DNMT3B: variants seen among roughly 807,000 people sequenced by gnomAD.
The protein encoded by DNMT3B is DNA methyltransferase 3 beta.
In DNMT3B, 37 loss-of-function variants were observed where a neutral mutation model predicts 120.2. That is an observed-to-expected ratio of 0.31 (90% CI 0.24 to 0.40). The LOEUF is 0.40. Ranked by LOEUF, DNMT3B falls within the 10% of genes least tolerant of loss-of-function variation. The probability of loss-of-function intolerance (pLI) is 1.00; values close to 1 mark genes in which losing one functional copy is unlikely to be tolerated. For synonymous variants in DNMT3B, 412 were observed against 442.8 expected, an observed-to-expected ratio of 0.93 and a Z score of 0.87; for missense variants, 878 against 1,137.3, an observed-to-expected ratio of 0.77 and a Z score of 3.28.
chr20:32,799,440 G>T, intron 16 of DNMT3B, 112 bp downstream of exon 16: 2 of 1,230,622 alleles, frequency 1.6e-6, no homozygotes, highest in South Asian at 1.3e-5. Context: ...GGTCCCTGGG[G>T]ATTACCAGCC....
At position 32,762,514 on chromosome 20, in the gene DNMT3B, C is replaced by T; in HGVS notation, c.-192C>T. The T allele has an allele frequency of 6.7e-6, 2 of 297,504 alleles. No homozygotes were observed. Among genetic ancestry groups the T allele is most frequent in the Non-Finnish European group, 1.4e-5 (2 of 143,730 alleles). The allele number at this position is 297,504 out of a possible 1,614,324, so 18.4% of individuals were successfully genotyped here. A position where few individuals can be genotyped will look rare whatever the true frequency, so the allele number is the denominator to read the frequency against. ...CGGGACCGGCTCCCTGGCGGTCGGG[C>T]GAGCGGGCGGCAACGCTGCCCGGCC... is the stretch of plus-strand genomic sequence containing the variant. On this transcript the variant is annotated 5_prime_UTR_variant, in exon 1 of 23. Coordinates refer to ENST00000328111, the MANE Select transcript of DNMT3B (RefSeq NM_006892.4).
intron 1 of DNMT3B, among the ~76,000 whole-genome samples, chr20:32,771,799 TA>T (rs1296532039): frequency 6.6e-6 from 1 of 152,172 alleles, no homozygotes; most frequent in Non-Finnish European, 1.5e-5. Context: ...CCCTATCTCA[TA>T]CCATATACAA....
chr20:32,766,228 G>A (rs1337122110), intron 1 of DNMT3B, among the ~76,000 whole-genome samples: 1 of 152,098 alleles, frequency 6.6e-6, no homozygotes, highest in Non-Finnish European at 1.5e-5. Context: ...CCTGTAATCC[G>A]TGCTACTGGG....
intron 1 of DNMT3B, among the ~76,000 whole-genome samples, chr20:32,763,268 GAGTGTGGGCTT>G (rs1410564619): frequency 2.0e-5 from 3 of 152,240 alleles, no homozygotes; most frequent in Admixed American, 6.5e-5. Flanking sequence ...AAGAGCTCGT[GAGTGTGGGCTT>G]AGACTCGCGC....
Position 32,800,199 on chromosome 20 carries a change from C to A in DNMT3B, c.1806C>A (p.Val602=), listed in dbSNP as rs370219791. 15 of 1,614,204 alleles carry A rather than the reference C, an allele frequency of 9.3e-6. No homozygotes were observed. The highest frequency in any genetic ancestry group is 1.3e-5 in the Non-Finnish European group (15 of 1,180,048). The change falls in exon 17 of 23, where the codon GTC becomes GTA. Residue 602 remains valine, a synonymous_variant. Transcript: ENST00000328111. ...KELGIKVGKY[V]ASEVCEESIA... ...TGGGCATAAAGGTAGGAAAGTACGTCGCTTCTGAAGTGTGTGAGGAGTCCA... is the reference window on the plus strand; with the variant it reads ...TGGGCATAAAGGTAGGAAAGTACGTAGCTTCTGAAGTGTGTGAGGAGTCCA...
chr20:32,797,297 C>T lies in DNMT3B; in HGVS notation c.1488C>T (p.Cys496=). The part of the protein sequence containing the change: ...ELLLCSNTSC[C]RCFCVECLEV... ...TGCTTTGCAGCAACACGAGCTGCTG[C>T]CGGTGAGCACTGGGCCCTGTGGGGT... Residue 496 remains cysteine (C), a splice_region_variant and synonymous_variant, in exon 14 of 23, where the codon TGC becomes TGT. Transcript: ENST00000328111. 1 of 1,614,048 alleles carries T rather than the reference C, an allele frequency of 6.2e-7. No homozygotes were observed. Among genetic ancestry groups the T allele is most frequent in the Non-Finnish European group, 8.5e-7 (1 of 1,180,012 alleles).
chr20:32,764,943 CATT>C (rs899766553), intron 1 of DNMT3B, among the ~76,000 whole-genome samples: 12 of 152,200 alleles, frequency 7.9e-5, no homozygotes, highest in African/African-American at 2.9e-4. Context: ...TGTCGCCCCT[CATT>C]ATTGCAGCCC....
intron 16 of DNMT3B, 114 bp from the exon 17 acceptor site, chr20:32,800,039 C>A: frequency 6.8e-7 from 1 of 1,462,830 alleles, no homozygotes; most frequent in Non-Finnish European, 9.5e-7. Flanking sequence ...CTGGATTGAA[C>A]GCATGTGATA....
At position 32,795,437 on chromosome 20, in the gene DNMT3B, C is replaced by T. The variant is rs556733675; in HGVS notation, c.1155C>T (p.Asp385=). The T allele has an allele frequency of 3.2e-5, 52 of 1,613,992 alleles. No individual in the cohort carries two copies. The highest frequency in any genetic ancestry group is 1.3e-4 in the East Asian group (6 of 44,894). ...ACAAGACTCGAAGACGCACAGCTGA[C>T]GACTCAGCCACCTCTGACTACTGCC... ...YENKTRRRTA[D]DSATSDYCPA... The change falls in exon 11 of 23, where the codon GAC becomes GAT. Residue 385 remains aspartate (D), a synonymous_variant. Coordinates refer to ENST00000328111, the MANE Select transcript of DNMT3B (RefSeq NM_006892.4).
chr20:32,792,830 A>G (rs1297782407), intron 9 of DNMT3B, 60 bp downstream of exon 9: 1 of 1,608,822 alleles, frequency 6.2e-7, no homozygotes, highest in Non-Finnish European at 8.5e-7. Context: ...ACTTCTTGGG[A>G]GAGTCAGCCA....
In DNMT3B at chr20:32,787,332, G is replaced by A. The variant is rs768144743; in HGVS notation, c.535G>A (p.Gly179Arg). The change falls in exon 6 of 23, where the codon GGG becomes AGG. Residue 179 changes from glycine to arginine, a missense_variant. By Grantham distance (125) the Gly-to-Arg change is moderately radical. Coordinates refer to ENST00000328111, the MANE Select transcript of DNMT3B (RefSeq NM_006892.4). ...DLTDDTEDTH[G>R]TPQSSSTPYA... ...CACAGACGACACAGAGGACACACAT[G>A]GGACGCCCCAGAGCAGCAGTACCCC... 6.2e-7 allele frequency: 1 copy of A among 1,614,204 alleles called. No individual in the cohort carries two copies. The highest frequency in any genetic ancestry group is 8.5e-7 in the Non-Finnish European group (1 of 1,180,046).
At chr20:32,802,843 A>G (rs1470379810) in intron 20 of DNMT3B, among the ~76,000 whole-genome samples, 1 of 152,202 alleles carries the variant, frequency 6.6e-6, no homozygotes, top group Non-Finnish European at 1.5e-5. Flanking sequence ...CTACAAAAAA[A>G]TAAAGAAAAA....
At position 32,762,602 on chromosome 20, in the gene DNMT3B, GAGCCCAGCGCCCTGCACGGCCGCC is replaced by G. The variant is rs1568811982; in HGVS notation, c.-99_-76del. 1 of 325,350 alleles carries G rather than the reference GAGCCCAGCGCCCTGCACGGCCGCC, an allele frequency of 3.1e-6. No homozygotes were observed. The highest frequency in any genetic ancestry group is 6.4e-6 in the Non-Finnish European group (1 of 156,996). The allele number at this position is 325,350 out of a possible 1,614,324, so 20.2% of individuals were successfully genotyped here. A position where few individuals can be genotyped will look rare whatever the true frequency, so the allele number is the denominator to read the frequency against. On this transcript the variant is annotated 5_prime_UTR_variant, in exon 1 of 23. Coordinates refer to ENST00000328111, the MANE Select transcript of DNMT3B (RefSeq NM_006892.4). ...TCGGCGATCGGCGCCGGAGATTCGC[GAGCCCAGCGCCCTGCACGGCCGCC>G]AGCCGGCCTCCCGCCAGCCAGCCCC...
chr20:32,796,663 G>A (rs1384296962), intron 12 of DNMT3B, 127 bp from the exon 13 acceptor site: 1 of 959,696 alleles, frequency 1.0e-6, no homozygotes, highest in African/African-American at 1.6e-5. Flanking sequence ...GGCATGGCCT[G>A]AGGTGCAAAG....
chr20:32,788,348 G>A (rs1979577586), intron 6 of DNMT3B, among the ~76,000 whole-genome samples: 1 of 152,128 alleles, frequency 6.6e-6, no homozygotes, highest in African/African-American at 2.4e-5. Context: ...CCAGTGGTCT[G>A]GGTCATAGCT....
chr20:32,797,391 C>A (rs1980768237), intron 14 of DNMT3B, 92 bp downstream of exon 14: 5 of 1,275,830 alleles, frequency 3.9e-6, no homozygotes, highest in Non-Finnish European at 4.5e-6. Flanking sequence ...TGAATGGAAT[C>A]CTAGGCATGG....
At chr20:32,779,112 G>C (rs1277150216) in intron 1 of DNMT3B, among the ~76,000 whole-genome samples, 1 of 152,202 alleles carries the variant, frequency 6.6e-6, no homozygotes, top group African/African-American at 2.4e-5. Context: ...TCCCAGGCAC[G>C]GTTCCAGGAC....
rs755051785 is a variant in DNMT3B at position 32,799,345 on chromosome 20, C to T, written c.1759+17C>T. 1 of 1,608,608 alleles carries T rather than the reference C, an allele frequency of 6.2e-7. No individual in the cohort carries two copies. The highest frequency in any genetic ancestry group is 8.5e-7 in the Non-Finnish European group (1 of 1,177,732). ...TCGCGACAGGTGAGTTCGGGGAACA[C>T]CTGGAGACACTGCTATCGTGTCACA... On this transcript the variant is annotated intron_variant, in intron 16 of 22. Transcript: ENST00000328111.
intron 1 of DNMT3B, among the ~76,000 whole-genome samples, chr20:32,770,981 G>A (rs1204214746): frequency 6.6e-6 from 1 of 152,148 alleles, no homozygotes; most frequent in African/African-American, 2.4e-5. Context: ...CTGGGCTCAA[G>A]CAATCCTCCT....
Sources: allele counts gnomAD v4.1 joint callset (sites outside exome capture counted in the v4.1 genomes callset), GRCh38; gene constraint gnomAD v4.1.1; transcripts MANE v1.5; gene names NCBI Gene and HGNC (gene_info 2026-07-23, HGNC 2026-07-21).